The following ATRNL1 variants were observed in gnomAD, a reference collection of about 807,000 sequenced individuals.
ATRNL1 encodes the protein attractin like 1.
In ATRNL1, 95 loss-of-function variants were observed where a neutral mutation model predicts 182.7. The observed-to-expected ratio is 0.52, with a 90% confidence interval of 0.44 to 0.62. The LOEUF (loss-of-function observed/expected upper bound fraction) is 0.62, where lower values mean the gene tolerates loss of function less well. Ranked by LOEUF, ATRNL1 falls within the 20% of genes least tolerant of loss-of-function variation. ATRNL1 has a pLI of 0.00. For synonymous variants in ATRNL1, 576 were observed against 568.3 expected, an observed-to-expected ratio of 1.01 and a Z score of -0.19; for missense variants, 1,471 against 1,679.5, an observed-to-expected ratio of 0.88 and a Z score of 2.17.
In ATRNL1 at chr10:115,659,914, A is replaced by T. The variant is rs930373814; in HGVS notation, c.3796-67334A>T. 5.3e-5 allele frequency among the ~76,000 whole-genome samples: 8 copies of T among 152,288 alleles called. No homozygotes were observed. The South Asian group carries it at 1.7e-3, about 32-fold the overall frequency. ...GTTTATGACGAGTGAGGGTGTGTCA[A>T]GAGATCGTTCTGGAGAATATGGGTC... is the stretch of plus-strand genomic sequence containing the variant. On this transcript the variant is annotated intron_variant, in intron 26 of 28. Transcript: ENST00000355044.
At position 115,947,126 on chromosome 10, in the gene ATRNL1, C is replaced by T. The variant is rs1270994478; in HGVS notation, c.*2347C>T. The stretch of plus-strand genomic sequence containing the variant: ...GCAATTAATTCTCAACGTATCAAAG[C>T]TTTTCACTGGCAGTAAATTCTTTGC... On this transcript the variant is annotated 3_prime_UTR_variant, in exon 29 of 29. Coordinates refer to ENST00000355044, the MANE Select transcript of ATRNL1 (RefSeq NM_207303.4). 4 of 152,742 alleles carry T rather than the reference C, an allele frequency of 2.6e-5. No individual in the cohort carries two copies. The highest frequency in any genetic ancestry group is 9.6e-5 in the African/African-American group (4 of 41,574). The allele number at this position is 152,742 out of a possible 1,614,324, so 9.5% of individuals were successfully genotyped here. A position where few individuals can be genotyped will look rare whatever the true frequency, so the allele number is the denominator to read the frequency against.
chr10:115,859,361 T>A (rs782375594), intron 28 of ATRNL1, among the ~76,000 whole-genome samples: 1 of 152,026 alleles, frequency 6.6e-6, no homozygotes, highest in Non-Finnish European at 1.5e-5. Flanking sequence ...TTGTAGTCCC[T>A]GCTCATATTA....
intron 25 of ATRNL1, among the ~76,000 whole-genome samples, chr10:115,523,893 G>T (rs1258557557): frequency 1.3e-5 from 2 of 152,168 alleles, no homozygotes; most frequent in African/African-American, 4.8e-5. Flanking sequence ...TAGTCCATTT[G>T]CATTGCTGTA....
chr10:115,093,829 G>A lies in ATRNL1; in HGVS notation c.79G>A (p.Gly27Ser). The A allele has an allele frequency of 2.0e-6, 3 of 1,510,776 alleles. No individual in the cohort carries two copies. The highest frequency in any genetic ancestry group is 1.4e-5 in the African/African-American group (1 of 69,744). 93.6% of individuals were successfully genotyped at this position (1,510,776 alleles called of 1,614,324 possible). A position where few individuals can be genotyped will look rare whatever the true frequency, so the allele number is the denominator to read the frequency against. Residue 27 changes from glycine to serine, a missense_variant, in exon 1 of 29, where the codon GGC becomes AGC. Physicochemically the swap from Gly to Ser is moderately conservative, Grantham distance 56 (BLOSUM62 0). Coordinates refer to ENST00000355044, the MANE Select transcript of ATRNL1 (RefSeq NM_207303.4). This position sits in a 1 kb window ranked among gnomAD's most constrained non-coding sequence, Gnocchi z 6.1. ...GGTGTGGAGGGCTCGGCCGGCGGGC[G>A]GCGGCGGCGGGGGCGCCTCCTCCTG... is the stretch of plus-strand genomic sequence containing the variant. ...PGVWRARPAGGGGGGASSWLL... is the reference protein window; with the variant it reads ...PGVWRARPAGSGGGGASSWLL...
At chr10:115,315,043 T>C (rs183757291) in intron 17 of ATRNL1, among the ~76,000 whole-genome samples, 1 of 152,232 alleles carries the variant, frequency 6.6e-6, no homozygotes, top group East Asian at 1.9e-4. Flanking sequence ...CCATAATAGG[T>C]AGTCCAAATA....
At chr10:115,122,455 A>G (rs1454849494) in intron 3 of ATRNL1, among the ~76,000 whole-genome samples, 2 of 151,926 alleles carry the variant, frequency 1.3e-5, no homozygotes, top group Non-Finnish European at 2.9e-5. Flanking sequence ...ATGAACATGT[A>G]TAGATTTTAT....
intron 27 of ATRNL1, among the ~76,000 whole-genome samples, chr10:115,742,143 G>A (rs1291276325): frequency 6.6e-6 from 1 of 152,146 alleles, no homozygotes; most frequent in Non-Finnish European, 1.5e-5. Context: ...GAAAGTGGAT[G>A]CAACAAGGAT....
intron 20 of ATRNL1, among the ~76,000 whole-genome samples, chr10:115,421,202 A>AGCATT (rs1480251419): frequency 5.9e-5 from 9 of 152,206 alleles, no homozygotes; most frequent in African/African-American, 2.2e-4. Context: ...CTATGAGGCC[A>AGCATT]GCATTACCCT....
chr10:115,896,286 A>AT (rs1565468813), intron 28 of ATRNL1, among the ~76,000 whole-genome samples: 1 of 152,264 alleles, frequency 6.6e-6, no homozygotes. Context: ...AAATTGACCA[A>AT]TAACCACAAA....
At chr10:115,830,301 T>C (rs1555093231) in intron 27 of ATRNL1, among the ~76,000 whole-genome samples, 1 of 152,212 alleles carries the variant, frequency 6.6e-6, no homozygotes, top group Non-Finnish European at 1.5e-5. Context: ...AATGGATCAT[T>C]GGCAACCTTT....
chr10:115,714,730 C>A (rs983316712), intron 26 of ATRNL1, among the ~76,000 whole-genome samples: 1 of 152,062 alleles, frequency 6.6e-6, no homozygotes, highest in Non-Finnish European at 1.5e-5. Context: ...TTTCTTTTCT[C>A]TGATCCACTT....
At chr10:115,713,697 CT>C (rs1349218282) in intron 26 of ATRNL1, among the ~76,000 whole-genome samples, 14 of 113,850 alleles carry the variant, frequency 1.2e-4, no homozygotes, top group African/African-American at 3.4e-4. Context: ...ATCTATCTAT[CT>C]ATCTATCATC....
intron 13 of ATRNL1, among the ~76,000 whole-genome samples, chr10:115,268,845 A>T (rs575159521): frequency 5.3e-4 from 81 of 152,258 alleles, no homozygotes; most frequent in African/African-American, 1.9e-3. Context: ...CTTTGTTTTC[A>T]CACTTTGTGT....
At chr10:115,598,394 C>T (rs1366156730) in intron 26 of ATRNL1, among the ~76,000 whole-genome samples, 4 of 77,758 alleles carry the variant, frequency 5.1e-5, no homozygotes, top group African/African-American at 1.5e-4. Flanking sequence ...GACGGAATCT[C>T]GTTCTGTCGC....
intron 8 of ATRNL1, among the ~76,000 whole-genome samples, chr10:115,210,153 CTT>C (rs1484609076): frequency 2.6e-5 from 4 of 151,832 alleles, no homozygotes; most frequent in African/African-American, 9.7e-5. Flanking sequence ...TTAAAATAAA[CTT>C]TTTATTTTGA....
At chr10:115,916,025 G>T (rs1555117128) in intron 28 of ATRNL1, among the ~76,000 whole-genome samples, 1 of 152,214 alleles carries the variant, frequency 6.6e-6, no homozygotes, top group Non-Finnish European at 1.5e-5. Flanking sequence ...GGGAAGAATT[G>T]GGCCAGTGAT....
At chr10:115,202,011 C>G (rs1382604253) in intron 8 of ATRNL1, among the ~76,000 whole-genome samples, 1 of 151,846 alleles carries the variant, frequency 6.6e-6, no homozygotes, top group Non-Finnish European at 1.5e-5. Context: ...TGGGAGTTCA[C>G]TCATGATTTG....
At chr10:115,751,298 G>A (rs1555070561) in intron 27 of ATRNL1, among the ~76,000 whole-genome samples, 1 of 152,034 alleles carries the variant, frequency 6.6e-6, no homozygotes, top group Admixed American at 6.6e-5. Context: ...CAAATCTGCT[G>A]TCGCCCTGAT....
chr10:115,144,321 G>A (rs1845881279), intron 5 of ATRNL1, among the ~76,000 whole-genome samples: 1 of 151,992 alleles, frequency 6.6e-6, no homozygotes, highest in Admixed American at 6.6e-5. Flanking sequence ...CTAATTTTTT[G>A]TATTTTTTAG....
Sources: allele counts gnomAD v4.1 joint callset (sites outside exome capture counted in the v4.1 genomes callset), GRCh38; gene constraint gnomAD v4.1.1; non-coding constraint Gnocchi (gnomAD v3.1); transcripts MANE v1.5; gene names NCBI Gene and HGNC (gene_info 2026-07-23, HGNC 2026-07-21).